The following CDC42BPB variants were observed in gnomAD, a reference collection of about 807,000 sequenced individuals.
The protein encoded by CDC42BPB is serine/threonine-protein kinase MRCK beta.
CDC42BPB carries 37 observed loss-of-function variants against 214.9 expected under a neutral mutation model. That is an observed-to-expected ratio of 0.17 (90% CI 0.13 to 0.23). CDC42BPB has a LOEUF of 0.23. CDC42BPB is among the 10% of genes least tolerant of loss of function. CDC42BPB has a pLI of 1.00. For missense variants in CDC42BPB, 1,694 were observed against 2,227.0 expected (o/e 0.76, Z 4.82); for synonymous variants, 931 against 884.0 (o/e 1.05, Z -0.94).
At chr14:102,986,752 G>A (rs918846281) in intron 5 of CDC42BPB, 172 bp from the exon 6 acceptor site, 24 of 984,818 alleles carry the variant, frequency 2.4e-5, no homozygotes, top group Admixed American at 6.2e-5. Context: ...GGTGGCAGCC[G>A]AAGTCGTATC....
In CDC42BPB at chr14:102,983,769, G is replaced by A. The variant is rs764378920; in HGVS notation, c.691-13C>T. On this transcript the variant is annotated splice_polypyrimidine_tract_variant and intron_variant, in intron 6 of 36. Coordinates refer to ENST00000361246, the MANE Select transcript of CDC42BPB (RefSeq NM_006035.4). The stretch of plus-strand genomic sequence containing the variant: ...CGGAGGACTGCACCTTAGGGGAGAA[G>A]GAGGTGCTGAAGGAAACCCTAGGGC... The A allele has an allele frequency of 2.9e-5, 46 of 1,610,242 alleles. No homozygotes were observed. The highest frequency in any genetic ancestry group is 3.8e-5 in the Non-Finnish European group (45 of 1,179,674).
intron 1 of CDC42BPB, among the ~76,000 whole-genome samples, chr14:103,030,316 G>A (rs543695639): frequency 6.6e-6 from 1 of 152,358 alleles, no homozygotes. Flanking sequence ...TTTTAAAAAA[G>A]AGGCAAAGAA....
intron 1 of CDC42BPB, among the ~76,000 whole-genome samples, chr14:103,050,884 ACT>A (rs1290125671): frequency 6.6e-6 from 1 of 151,914 alleles, no homozygotes; most frequent in Non-Finnish European, 1.5e-5. Flanking sequence ...TTCTCCAAAG[ACT>A]CTCCAATCCA....
chr14:103,041,469 A>T (rs1887988906), intron 1 of CDC42BPB: 10 of 1,239,910 alleles, frequency 8.1e-6, no homozygotes, highest in Admixed American at 2.0e-5. Flanking sequence ...CTAGGCAGCC[A>T]TGGCGCCCAG....
At chr14:102,957,494 G>A (rs548497166) in intron 21 of CDC42BPB, among the ~76,000 whole-genome samples, 3 of 152,280 alleles carry the variant, frequency 2.0e-5, no homozygotes, top group South Asian at 4.1e-4. Flanking sequence ...AGCAGTGCCC[G>A]GCTCCGCAGC....
intron 18 of CDC42BPB, among the ~76,000 whole-genome samples, chr14:102,965,980 A>G (rs1325002358): frequency 6.6e-6 from 1 of 152,196 alleles, no homozygotes; most frequent in Non-Finnish European, 1.5e-5. Context: ...AAATACACAC[A>G]TCACTAAATG....
chr14:103,040,125 T>G (rs914881175), intron 1 of CDC42BPB, among the ~76,000 whole-genome samples: 2 of 152,010 alleles, frequency 1.3e-5, no homozygotes, highest in Non-Finnish European at 2.9e-5. Flanking sequence ...GAGGCCAAGG[T>G]GGGTGGATCG....
At chr14:102,959,964 T>C in intron 20 of CDC42BPB, 4 of 444,510 alleles carry the variant, frequency 9.0e-6, no homozygotes, top group Non-Finnish European at 1.2e-5. Flanking sequence ...CCCAACACTT[T>C]GGGAGGCCGA....
intron 4 of CDC42BPB, among the ~76,000 whole-genome samples, chr14:103,003,220 C>T (rs1204831454): frequency 6.6e-6 from 1 of 152,212 alleles, no homozygotes; most frequent in East Asian, 1.9e-4. Flanking sequence ...GCAGTGGACA[C>T]TTTCAGGTTC....
At chr14:103,008,333 A>G in intron 3 of CDC42BPB, 139 bp downstream of exon 3, 1 of 625,498 alleles carries the variant, frequency 1.6e-6, no homozygotes, top group Non-Finnish European at 2.9e-6. Flanking sequence ...GACCTCCTCA[A>G]AAGAGAGTGC....
intron 30 of CDC42BPB, chr14:102,940,625 T>C: frequency 1.1e-5 from 6 of 533,982 alleles, no homozygotes; most frequent in Non-Finnish European, 1.8e-5. Flanking sequence ...TTAGCTCTCA[T>C]GAGATGTGAT....
At chr14:102,997,990 CAAA>C (rs1555391990) in intron 5 of CDC42BPB, among the ~76,000 whole-genome samples, 1 of 152,060 alleles carries the variant, frequency 6.6e-6, no homozygotes, top group Non-Finnish European at 1.5e-5. Context: ...ACTAAAAATA[CAAA>C]AAAATTAGCT....
intron 1 of CDC42BPB, among the ~76,000 whole-genome samples, chr14:103,023,347 T>C (rs981164443): frequency 1.2e-4 from 19 of 152,094 alleles, no homozygotes; most frequent in Middle Eastern, 6.8e-3. Context: ...TTTCTATTTT[T>C]AGTAGAGACG....
chr14:102,949,939 C>T (rs572981764), intron 25 of CDC42BPB, 35 bp from the exon 26 acceptor site: 7 of 1,608,338 alleles, frequency 4.4e-6, no homozygotes, highest in Non-Finnish European at 5.9e-6. Flanking sequence ...CACGTTCCAC[C>T]AGGCCAGGCA....
chr14:102,940,939 C>T (rs1322727168), intron 30 of CDC42BPB, among the ~76,000 whole-genome samples: 1 of 152,244 alleles, frequency 6.6e-6, no homozygotes, highest in Non-Finnish European at 1.5e-5. Flanking sequence ...CTGGGGTCCG[C>T]GCTGTGCTCC....
At chr14:102,950,821 C>T in intron 24 of CDC42BPB, 1 of 341,302 alleles carries the variant, frequency 2.9e-6, no homozygotes, top group Non-Finnish European at 4.1e-6. Context: ...CAAAAATTAG[C>T]CAGGGGTGGT....
At chr14:102,940,410 G>A in intron 30 of CDC42BPB, 86 bp from the exon 31 acceptor site, 1 of 1,541,140 alleles carries the variant, frequency 6.5e-7, no homozygotes, top group East Asian at 2.5e-5. Flanking sequence ...CTTGGCACTT[G>A]AACAAGTGCA....
chr14:102,957,517 A>C (rs1208767956), intron 21 of CDC42BPB, among the ~76,000 whole-genome samples: 3 of 152,232 alleles, frequency 2.0e-5, no homozygotes, highest in Non-Finnish European at 2.9e-5. Context: ...CGAGAGAGGC[A>C]ATGACTTGTG....
intron 1 of CDC42BPB, among the ~76,000 whole-genome samples, chr14:103,022,146 C>A (rs776716478): frequency 1.5e-4 from 23 of 152,140 alleles, no homozygotes; most frequent in Non-Finnish European, 2.6e-4. Flanking sequence ...GAGGTGGCTG[C>A]GGGGAAGAGA....
Sources: allele counts gnomAD v4.1 joint callset (sites outside exome capture counted in the v4.1 genomes callset), GRCh38; gene constraint gnomAD v4.1.1; transcripts MANE v1.5; gene names NCBI Gene and HGNC (gene_info 2026-07-23, HGNC 2026-07-21).